The following GTF2I variants were observed in gnomAD, a reference collection of about 807,000 sequenced individuals.
GTF2I encodes the protein general transcription factor II-I.
Under a neutral mutation model 67.6 loss-of-function variants are expected in GTF2I, and 12 were observed. That is an observed-to-expected ratio of 0.18 (90% CI 0.11 to 0.29). The LOEUF (loss-of-function observed/expected upper bound fraction) is 0.29, where lower values mean the gene tolerates loss of function less well. GTF2I is among the 10% of genes least tolerant of loss of function. The pLI, the probability that GTF2I is intolerant of heterozygous loss-of-function variation, is 1.00. For synonymous variants in GTF2I, 149 were observed against 197.0 expected (o/e 0.76, Z 2.04); for missense variants, 271 against 580.1 (o/e 0.47, Z 5.47).
At chr7:74,673,720 C>G (rs1245760358) in intron 1 of GTF2I, among the ~76,000 whole-genome samples, 1 of 128,128 alleles carries the variant, frequency 7.8e-6, no homozygotes, top group Non-Finnish European at 1.6e-5. Context: ...CTTGCTCTGT[C>G]GCCAATCTAA....
At chr7:74,698,242 A>T (rs1464549919) in intron 3 of GTF2I, among the ~76,000 whole-genome samples, 2 of 151,554 alleles carry the variant, frequency 1.3e-5, no homozygotes, top group African/African-American at 2.4e-5. Flanking sequence ...GGCGTGAGCC[A>T]CCGCGCCCGG....
chr7:74,716,124 G>A (rs1200689562), intron 10 of GTF2I, among the ~76,000 whole-genome samples: 3 of 151,912 alleles, frequency 2.0e-5, no homozygotes, highest in African/African-American at 4.8e-5. Flanking sequence ...TAGTAGCTCA[G>A]ATCTTTAAGG....
chr7:74,745,285 GTTTC>G (rs1326693627), intron 21 of GTF2I, among the ~76,000 whole-genome samples: 22 of 148,648 alleles, frequency 1.5e-4, no homozygotes, highest in African/African-American at 5.2e-4. Flanking sequence ...TGATGATTGA[GTTTC>G]TTTCTTTTTT....
chr7:74,691,135 T>G, intron 3 of GTF2I, 24 bp downstream of exon 3: 2 of 1,487,288 alleles, frequency 1.3e-6, no homozygotes, highest in Non-Finnish European at 1.9e-6. Flanking sequence ...TTTTATCTTT[T>G]GCATTTCATT....
intron 8 of GTF2I, among the ~76,000 whole-genome samples, chr7:74,710,530 G>A (rs1477896823): frequency 2.6e-5 from 4 of 152,036 alleles, no homozygotes; most frequent in Non-Finnish European, 5.9e-5. Flanking sequence ...TGTCCTAATT[G>A]TGGGCAAAGC....
chr7:74,659,774 C>G (rs1804304387), intron 1 of GTF2I, among the ~76,000 whole-genome samples: 1 of 152,074 alleles, frequency 6.6e-6, no homozygotes, highest in African/African-American at 2.4e-5. Flanking sequence ...AACTCCTGGA[C>G]TCTGGTGATC....
intron 9 of GTF2I, among the ~76,000 whole-genome samples, chr7:74,712,877 A>C (rs782530417): frequency 1.3e-5 from 2 of 152,072 alleles, no homozygotes; most frequent in African/African-American, 2.4e-5. Flanking sequence ...TCGTTCTTCT[A>C]CATAAAGACA....
intron 2 of GTF2I, among the ~76,000 whole-genome samples, chr7:74,690,044 T>A (rs757275827): frequency 3.3e-5 from 5 of 152,062 alleles, no homozygotes; most frequent in Non-Finnish European, 5.9e-5. Flanking sequence ...TGAAACCCTA[T>A]CTCTACTAAA....
At chr7:74,694,667 A>G (rs1027680943) in intron 3 of GTF2I, among the ~76,000 whole-genome samples, 1 of 152,242 alleles carries the variant, frequency 6.6e-6, no homozygotes, top group Non-Finnish European at 1.5e-5. Flanking sequence ...AACTGCAGCA[A>G]GTTCTTTAGA....
At chr7:74,704,494 T>C (rs1025301819) in intron 6 of GTF2I, among the ~76,000 whole-genome samples, 6 of 151,934 alleles carry the variant, frequency 3.9e-5, no homozygotes, top group African/African-American at 1.4e-4. Context: ...GGGTTCACCA[T>C]GTTGGCCAGG....
chr7:74,669,229 T>G (rs1426923349), intron 1 of GTF2I, among the ~76,000 whole-genome samples: 4 of 142,030 alleles, frequency 2.8e-5, no homozygotes, highest in African/African-American at 5.3e-5. Flanking sequence ...GTTTAGTTTT[T>G]TTTTTTTTTT....
In GTF2I at chr7:74,722,175, G is replaced by A. The variant is rs368654230; in HGVS notation, c.943+3234G>A. 3.9e-5 allele frequency among the ~76,000 whole-genome samples: 6 copies of A among 152,286 alleles called. No homozygotes were observed. In the East Asian group the frequency reaches 1.2e-3, roughly 29 times the overall value. The stretch of plus-strand genomic sequence containing the variant: ...AAGTGGCTAATTTGACACCGACGCG[G>A]ACGTGTTTGTGGATACAGGGTCATT... On this transcript the variant is annotated intron_variant, in intron 12 of 34. Coordinates refer to ENST00000573035, the MANE Select transcript of GTF2I (RefSeq NM_032999.4).
At chr7:74,713,344 A>T (rs782251986) in intron 9 of GTF2I, among the ~76,000 whole-genome samples, 2 of 152,236 alleles carry the variant, frequency 1.3e-5, no homozygotes, top group Non-Finnish European at 2.9e-5. Flanking sequence ...TTTACAAATT[A>T]TAAGTCTCTA....
intron 11 of GTF2I, among the ~76,000 whole-genome samples, chr7:74,717,860 A>G (rs933958594): frequency 1.3e-5 from 2 of 152,322 alleles, no homozygotes; most frequent in Non-Finnish European, 2.9e-5. Flanking sequence ...CCTGGAATAC[A>G]TTTCTCTCAA....
At chr7:74,706,360 G>A in intron 7 of GTF2I, 30 bp from the exon 8 acceptor site, 1 of 1,606,660 alleles carries the variant, frequency 6.2e-7, no homozygotes, top group Non-Finnish European at 8.5e-7. Context: ...ACCAGCACGT[G>A]GCTTGATCAG....
intron 34 of GTF2I, chr7:74,759,118 CGTT>C: frequency 7.4e-6 from 1 of 134,256 alleles, no homozygotes; most frequent in Non-Finnish European, 1.4e-5. Flanking sequence ...ATAGAGTCAA[CGTT>C]GTCCTCCTCA....
Position 74,691,051 on chromosome 7 carries a change from G to C in GTF2I, c.178G>C (p.Glu60Gln). The change falls in exon 3 of 35, where the codon GAA (glutamate) becomes CAA (glutamine). Residue 60 changes from glutamate to glutamine, a missense_variant. Physicochemically the swap from Glu to Gln is conservative, Grantham distance 29 (BLOSUM62 2). Around this residue, in one of 9 missense-constraint regions of GTF2I, gnomAD observed 72 missense variants for 87.4 expected, o/e 0.82. Coordinates refer to ENST00000573035, the MANE Select transcript of GTF2I (RefSeq NM_032999.4). ...YETDVFVVGT[E>Q]RGRAFVNTRK... ...AACAGACGTGTTTGTCGTCGGAACTGAAAGAGGACGTGCTTTTGTCAATAC... is the reference window on the plus strand; with the variant it reads ...AACAGACGTGTTTGTCGTCGGAACTCAAAGAGGACGTGCTTTTGTCAATAC... 1 of 1,612,876 alleles carries C rather than the reference G, an allele frequency of 6.2e-7. No homozygotes were observed. The highest frequency in any genetic ancestry group is 8.5e-7 in the Non-Finnish European group (1 of 1,179,008).
At chr7:74,685,358 G>A (rs979329364) in intron 1 of GTF2I, among the ~76,000 whole-genome samples, 1 of 152,228 alleles carries the variant, frequency 6.6e-6, no homozygotes, top group Non-Finnish European at 1.5e-5. Flanking sequence ...TTAGCCAGGT[G>A]TGGTGGCAGT....
At chr7:74,709,674 C>A (rs889856815) in intron 8 of GTF2I, among the ~76,000 whole-genome samples, 34 of 151,216 alleles carry the variant, frequency 2.2e-4, no homozygotes, top group African/African-American at 3.4e-4. Flanking sequence ...TTCTTTCTTT[C>A]TTTATTTTTT....
Sources: gnomAD v4.1 joint callset for allele counts (sites outside exome capture counted in the v4.1 genomes callset) on GRCh38, gnomAD v4.1.1 for gene constraint, gnomAD v4.1.1 regional missense constraint, MANE v1.5 for transcripts, NCBI Gene and HGNC (gene_info 2026-07-23, HGNC 2026-07-21) for gene names.